RYR2: variants seen among roughly 807,000 people sequenced by gnomAD.
RYR2 encodes cardiac muscle ryanodine receptor-calcium release channel.
RYR2 carries 227 observed loss-of-function variants against 601.1 expected under a neutral mutation model. The ratio of observed to expected loss-of-function variants is 0.38; its 90% confidence interval spans 0.34 to 0.42. The LOEUF (loss-of-function observed/expected upper bound fraction) is 0.42. Ranked by LOEUF, RYR2 falls within the 10% of genes least tolerant of loss-of-function variation. RYR2 has a pLI of 1.00. For synonymous variants in RYR2, 2,223 were observed against 2,175.1 expected, an observed-to-expected ratio of 1.02 and a Z score of -0.61; for missense variants, 4,646 against 6,156.5, an observed-to-expected ratio of 0.75 and a Z score of 8.21.
intron 16 of RYR2, among the ~76,000 whole-genome samples, chr1:237,466,973 G>T (rs915601629): frequency 6.6e-6 from 1 of 151,520 alleles, no homozygotes; most frequent in Non-Finnish European, 1.5e-5. Context: ...TACCATGTCT[G>T]TTTGCAGTAA....
chr1:237,553,747 T>C (rs111669420), intron 27 of RYR2, among the ~76,000 whole-genome samples: 3,263 of 48,952 alleles, frequency 0.067, 52 homozygotes, highest in South Asian at 0.23. Flanking sequence ...ACTAGAGGTC[T>C]TATACATTAT....
chr1:237,737,875 C>T (rs1484354478), intron 79 of RYR2, among the ~76,000 whole-genome samples: 1 of 152,250 alleles, frequency 6.6e-6, no homozygotes, highest in Non-Finnish European at 1.5e-5. Flanking sequence ...ATTGCTTAAA[C>T]TCGAATTCTA....
chr1:237,139,913 G>A (rs11590240), intron 1 of RYR2, among the ~76,000 whole-genome samples: 8,638 of 152,298 alleles, frequency 0.057, 449 homozygotes, highest in Non-Finnish European at 0.079. Context: ...AGCTCACAAC[G>A]TGTGTGCAGA....
chr1:237,389,838 C>G (rs1414042863), intron 10 of RYR2, among the ~76,000 whole-genome samples: 1 of 151,952 alleles, frequency 6.6e-6, no homozygotes, highest in African/African-American at 2.4e-5. Context: ...GGGATGGGTG[C>G]AAATTCTAAG....
intron 16 of RYR2, among the ~76,000 whole-genome samples, chr1:237,466,375 C>A (rs2150286612): frequency 6.6e-6 from 1 of 152,100 alleles, no homozygotes; most frequent in African/African-American, 2.4e-5. Context: ...GCTATGTTGC[C>A]CAGGCTGGTC....
chr1:237,610,456 G>T lies in RYR2; in HGVS notation c.4684-306G>T, dbSNP rs1677713764. Among the ~76,000 whole-genome samples the T allele has an allele frequency of 6.6e-6, 1 of 152,166 alleles. No homozygotes were observed. Among genetic ancestry groups the T allele is most frequent in the Admixed American group, 6.5e-5 (1 of 15,280 alleles). On this transcript the variant is annotated intron_variant, in intron 35 of 104. Coordinates refer to ENST00000366574, the MANE Select transcript of RYR2 (RefSeq NM_001035.3). This position sits in a 1 kb window ranked among gnomAD's most constrained non-coding sequence, Gnocchi z 4.9. ...TTCCCGGAGGTCCCAGCCTGGTAAA[G>T]AAATATAAAGGATATATGGGTATGC...
intron 2 of RYR2, among the ~76,000 whole-genome samples, chr1:237,309,285 AG>A (rs1694262234): frequency 3.3e-5 from 5 of 149,910 alleles, no homozygotes; most frequent in African/African-American, 9.9e-5. Flanking sequence ...CTAGACATAA[AG>A]GTTCTCCAAG....
chr1:237,797,981 TAGATGATGTTAC>T, intron 96 of RYR2, 44 bp from the exon 97 acceptor site: 1 of 1,478,038 alleles, frequency 6.8e-7, no homozygotes, highest in Non-Finnish European at 9.3e-7. Context: ...TACACACATA[TAGATGATGTTAC>T]TTAATGGTTG....
At chr1:237,043,031 C>G (rs532998698) in intron 1 of RYR2, among the ~76,000 whole-genome samples, 160 of 152,288 alleles carry the variant, frequency 1.1e-3, no homozygotes, top group African/African-American at 3.8e-3. Context: ...CGGGAGGTTT[C>G]TTGGGCTTTC....
intron 1 of RYR2, among the ~76,000 whole-genome samples, chr1:237,059,100 A>G (rs1349609863): frequency 6.6e-6 from 1 of 152,164 alleles, no homozygotes; most frequent in Non-Finnish European, 1.5e-5. Flanking sequence ...GATTCCATAA[A>G]TGACACCAGT....
chr1:237,189,763 A>C (rs555479842), intron 1 of RYR2, among the ~76,000 whole-genome samples: 1 of 152,234 alleles, frequency 6.6e-6, no homozygotes, highest in Non-Finnish European at 1.5e-5. Flanking sequence ...CGCCCAGTCT[A>C]TAACACCTTT....
intron 24 of RYR2, among the ~76,000 whole-genome samples, chr1:237,519,154 C>G (rs758759243): frequency 6.6e-6 from 1 of 152,036 alleles, no homozygotes; most frequent in African/African-American, 2.4e-5. Context: ...TTGTTTGTTT[C>G]TTGCATATTC....
chr1:237,576,147 A>G (rs1488111346), intron 29 of RYR2, among the ~76,000 whole-genome samples: 1 of 152,208 alleles, frequency 6.6e-6, no homozygotes, highest in Admixed American at 6.5e-5. Context: ...GTTCATGGAG[A>G]AGACAAAAGC....
chr1:237,312,629 G>T (rs762339071), intron 2 of RYR2, among the ~76,000 whole-genome samples: 7 of 152,168 alleles, frequency 4.6e-5, no homozygotes, highest in Non-Finnish European at 8.8e-5. Flanking sequence ...CACTGAAAAT[G>T]ATGTAAACAC....
At chr1:237,337,025 T>C (rs1697308439) in intron 3 of RYR2, among the ~76,000 whole-genome samples, 1 of 151,832 alleles carries the variant, frequency 6.6e-6, no homozygotes, top group Admixed American at 6.6e-5. Context: ...CTGAGGCATG[T>C]GGATCACTTG....
intron 1 of RYR2, among the ~76,000 whole-genome samples, chr1:237,199,002 A>G (rs1680877834): frequency 2.0e-5 from 3 of 152,264 alleles, no homozygotes; most frequent in Admixed American, 6.5e-5. Context: ...TGCCATGAAA[A>G]TTATTGTCTG....
In RYR2 at chr1:237,793,812, C is replaced by T; in HGVS notation, c.13783-55C>T. On this transcript the variant is annotated intron_variant, in intron 94 of 104. Transcript: ENST00000366574. The stretch of plus-strand genomic sequence containing the variant: ...AGCTGTTTTGTAAAGATAGTGACCA[C>T]AAGATATGCCAGTAAATCTAAACTA... 2.2e-6 allele frequency: 3 copies of T among 1,379,582 alleles called. No individual in the cohort carries two copies. The South Asian group carries it at 3.8e-5, about 17-fold the overall frequency. 85.5% of individuals were successfully genotyped at this position (1,379,582 alleles called of 1,614,324 possible). A position where few individuals can be genotyped will look rare whatever the true frequency, so the allele number is the denominator to read the frequency against.
intron 1 of RYR2, among the ~76,000 whole-genome samples, chr1:237,093,686 C>A (rs1233195512): frequency 6.6e-6 from 1 of 152,132 alleles, no homozygotes; most frequent in Non-Finnish European, 1.5e-5. Flanking sequence ...ATCTCAAGGA[C>A]CCTTAGAAAT....
At chr1:237,822,778 G>C (rs917738648) in intron 101 of RYR2, among the ~76,000 whole-genome samples, 1 of 152,140 alleles carries the variant, frequency 6.6e-6, no homozygotes, top group Non-Finnish European at 1.5e-5. Flanking sequence ...CTGTATGCAG[G>C]AGACCCATCT....
Sources: gnomAD v4.1 joint callset for allele counts (sites outside exome capture counted in the v4.1 genomes callset) on GRCh38, gnomAD v4.1.1 for gene constraint, Gnocchi (gnomAD v3.1) non-coding constraint, MANE v1.5 for transcripts, NCBI Gene and HGNC (gene_info 2026-07-23, HGNC 2026-07-21) for gene names.